Variants in TCEA3 observed in about 807,000 individuals in gnomAD.
The protein encoded by TCEA3 is transcription elongation factor A3.
TCEA3 carries 36 observed loss-of-function variants against 44.0 expected under a neutral mutation model. The ratio of observed to expected loss-of-function variants is 0.82; its 90% CI spans 0.63 to 1.08. TCEA3 has a LOEUF of 1.08. Among genes scored for constraint, TCEA3 ranks in the 50% least tolerant of loss-of-function variants. TCEA3 has a pLI of 0.00. For missense variants in TCEA3, 392 were observed against 441.2 expected (o/e 0.89, Z 1.00); for synonymous variants, 162 against 159.7 (o/e 1.01, Z -0.11).
intron 5 of TCEA3, among the ~76,000 whole-genome samples, chr1:23,407,323 C>T (rs1239439955): frequency 6.6e-6 from 1 of 152,206 alleles, no homozygotes; most frequent in Non-Finnish European, 1.5e-5. Context: ...ACCGCAACAG[C>T]CTCCTGGCTG....
At chr1:23,407,857 A>C (rs1767141) in intron 5 of TCEA3, among the ~76,000 whole-genome samples, 137,066 of 152,246 alleles carry the variant, frequency 0.9, 61,740 homozygotes, top group Middle Eastern at 0.92. Context: ...ATTTATGCTA[A>C]TTTTGGGTAG....
At chr1:23,419,771 G>C (rs912867398) in intron 1 of TCEA3, among the ~76,000 whole-genome samples, 1 of 152,196 alleles carries the variant, frequency 6.6e-6, no homozygotes, top group Non-Finnish European at 1.5e-5. Context: ...AGGAGATGGA[G>C]GTTACAGTGA....
chr1:23,396,775 G>A (rs984732316), intron 7 of TCEA3, among the ~76,000 whole-genome samples: 1 of 152,054 alleles, frequency 6.6e-6, no homozygotes, highest in African/African-American at 2.4e-5. Context: ...TGCAAAGGTG[G>A]GTGGTGCATC....
intron 2 of TCEA3, chr1:23,418,260 G>C: frequency 2.1e-6 from 1 of 474,976 alleles, no homozygotes; most frequent in Non-Finnish European, 3.8e-6. Context: ...CCTGAACCTA[G>C]GGTTGGGGGT....
chr1:23,407,739 T>G (rs540991737), intron 5 of TCEA3, among the ~76,000 whole-genome samples: 16 of 152,168 alleles, frequency 1.1e-4, no homozygotes, highest in African/African-American at 3.9e-4. Context: ...CCCCCATCAC[T>G]GCAGGGATTT....
intron 3 of TCEA3, 72 bp from the exon 4 acceptor site, chr1:23,417,462 G>A: frequency 6.5e-7 from 1 of 1,545,722 alleles, no homozygotes; most frequent in East Asian, 2.3e-5. Flanking sequence ...ACTTAGTGGG[G>A]AGAGAGCAAA....
rs573781383 is a variant in TCEA3 at position 23,420,912 on chromosome 1, G to C, written c.70-1773C>G. The stretch of plus-strand genomic sequence containing the variant: ...ATACCTGCCTGCTGTCCTGAGATCA[G>C]TTCCCTGGGGAGCACCAGGGGACGG... On this transcript the variant is annotated intron_variant, in intron 1 of 10. Transcript: ENST00000450454. Among the ~76,000 whole-genome samples the C allele has an allele frequency of 2.6e-5, 4 of 152,270 alleles. No individual in the cohort carries two copies. In the South Asian group the frequency reaches 8.3e-4, roughly 32 times the overall value.
rs1178945670 is a variant in TCEA3, at chr1:23,387,253, C to T, written c.966+20G>A. The T allele has an allele frequency of 6.2e-6, 10 of 1,611,874 alleles. No individual in the cohort carries two copies. Among genetic ancestry groups the T allele is most frequent in the East Asian group, 2.2e-5 (1 of 44,832 alleles). On this transcript the variant is annotated intron_variant, in intron 9 of 10. Transcript: ENST00000450454. ...CCTGCGGCCTCCTGCACCTCCGGCC[C>T]GTCCCCTCACTGTCCTTACCTGGTT... is the stretch of plus-strand genomic sequence containing the variant.
At chr1:23,403,991 G>C (rs965789591) in intron 5 of TCEA3, 1 of 639,150 alleles carries the variant, frequency 1.6e-6, no homozygotes, top group African/African-American at 1.8e-5. Flanking sequence ...GCCGGGGTGG[G>C]AGGTTGGATT....
intron 10 of TCEA3, 34 bp downstream of exon 10, chr1:23,384,312 A>G (rs605468): frequency 0.91 from 1,461,546 of 1,613,594 alleles, 663,415 homozygotes; most frequent in Admixed American, 0.93. Context: ...GTATGTGGAT[A>G]ACAGGGAAGG....
chr1:23,408,359 C>T (rs185704340), intron 5 of TCEA3, among the ~76,000 whole-genome samples: 1 of 152,274 alleles, frequency 6.6e-6, no homozygotes, highest in Non-Finnish European at 1.5e-5. Context: ...CAGTCAGCCA[C>T]CCCAGGGAAG....
rs11341961 is a variant in TCEA3 at position 23,384,662 on chromosome 1, CTTTTTTT to C, written c.967-252_967-246del. Among the ~76,000 whole-genome samples the C allele has an allele frequency of 7.7e-5, 9 of 116,482 alleles. No homozygotes were observed. The South Asian group carries it at 1.2e-3, about 16-fold the overall frequency. The allele number at this position is 116,482 out of a possible 152,430, so 76.4% of individuals were successfully genotyped here. ...CTTAACCTGGCCTTTTGCACTTCCG[CTTTTTTT>C]TTTTTTTTTTTTTTGACAGTGGAGT... On this transcript the variant is annotated intron_variant, in intron 9 of 10. Transcript: ENST00000450454.
chr1:23,393,750 C>G (rs1042901106), intron 8 of TCEA3, 129 bp downstream of exon 8: 2 of 1,249,248 alleles, frequency 1.6e-6, no homozygotes, highest in Non-Finnish European at 1.1e-6. Context: ...AGGGGGGAGG[C>G]TGAGATGAGG....
intron 4 of TCEA3, among the ~76,000 whole-genome samples, chr1:23,409,424 T>C (rs1639648096): frequency 6.6e-6 from 1 of 152,224 alleles, no homozygotes. Context: ...ATAATATAGT[T>C]ATTCCTTTTA....
At chr1:23,396,831 C>G (rs1459001102) in intron 7 of TCEA3, among the ~76,000 whole-genome samples, 1 of 151,968 alleles carries the variant, frequency 6.6e-6, no homozygotes, top group East Asian at 1.9e-4. Flanking sequence ...CATCGTGAAA[C>G]CCCATCCCTA....
At chr1:23,388,038 G>A (rs939163632) in intron 8 of TCEA3, among the ~76,000 whole-genome samples, 8 of 151,744 alleles carry the variant, frequency 5.3e-5, no homozygotes, top group Non-Finnish European at 1.2e-4. Context: ...TAGACACTCC[G>A]GGTCTGCATC....
intron 3 of TCEA3, 25 bp from the exon 4 acceptor site, chr1:23,417,415 C>T: frequency 1.2e-6 from 2 of 1,608,996 alleles, no homozygotes; most frequent in Non-Finnish European, 1.7e-6. Flanking sequence ...GTGGCATTGT[C>T]CCTCAGCTAA....
rs756403857 is a variant in TCEA3 at position 23,397,581 on chromosome 1, C to T, written c.628G>A (p.Val210Ile). The T allele has an allele frequency of 1.2e-6, 2 of 1,613,862 alleles. No individual in the cohort carries two copies. Among genetic ancestry groups the T allele is most frequent in the South Asian group, 1.1e-5 (1 of 91,076 alleles). ...TCTGATGCCATCTTGTCACAGTTGA[C>T]TCCATAGTCCTTGTAATCATCTAAA... The part of the protein sequence containing the change: ...KADDDYKDYG[V>I]NCDKMASEIE... Residue 210 changes from valine (V) to isoleucine (I), a missense_variant, in exon 7 of 11, where the codon GTC becomes ATC. Transcript: ENST00000450454.
intron 4 of TCEA3, among the ~76,000 whole-genome samples, chr1:23,414,690 T>G (rs1639836066): frequency 6.6e-6 from 1 of 152,360 alleles, no homozygotes; most frequent in East Asian, 1.9e-4. Flanking sequence ...CATGAGACAC[T>G]GCACCCGGCC....
Sources: gnomAD v4.1 joint callset for allele counts (sites outside exome capture counted in the v4.1 genomes callset) on GRCh38, gnomAD v4.1.1 for gene constraint, MANE v1.5 for transcripts, NCBI Gene and HGNC (gene_info 2026-07-23, HGNC 2026-07-21) for gene names.